Variants in SEC31A observed in about 807,000 individuals in gnomAD.
SEC31A encodes SEC31 homolog A, COPII component, also known as protein transport protein Sec31A.
SEC31A carries 70 observed loss-of-function variants against 151.0 expected under a neutral mutation model. The observed-to-expected ratio is 0.46, with a 90% CI of 0.38 to 0.57. The LOEUF (loss-of-function observed/expected upper bound fraction) is 0.57, where lower values mean the gene tolerates loss of function less well. Among genes scored for constraint, SEC31A ranks in the 20% least tolerant of loss-of-function variants. The probability of loss-of-function intolerance (pLI) is 0.00; values close to 1 mark genes in which losing one functional copy is unlikely to be tolerated. For synonymous variants in SEC31A, 475 were observed against 505.9 expected, an observed-to-expected ratio of 0.94 and a Z score of 0.82; for missense variants, 1,330 against 1,471.2, an observed-to-expected ratio of 0.90 and a Z score of 1.57.
In SEC31A at chr4:82,824,394, G is replaced by A. The variant is rs552641627; in HGVS notation, c.3411+161C>T. On this transcript the variant is annotated intron_variant, in intron 25 of 26. Coordinates refer to ENST00000395310, the MANE Select transcript of SEC31A (RefSeq NM_001077207.4). Reference sequence around the variant, plus strand: ...AATTTTTTGTATTTGTAGTAGAGACGGGGTTTTGCTATGTTGGCCAGGATG... The same window carrying A: ...AATTTTTTGTATTTGTAGTAGAGACAGGGTTTTGCTATGTTGGCCAGGATG... 4.6e-5 allele frequency among the ~76,000 whole-genome samples: 7 copies of A among 152,108 alleles called. No homozygotes were observed. In the East Asian group the frequency reaches 5.8e-4, roughly 13 times the overall value.
At chr4:82,898,293 TCAC>T (rs1405888633) in intron 3 of SEC31A, among the ~76,000 whole-genome samples, 1 of 151,664 alleles carries the variant, frequency 6.6e-6, no homozygotes, top group Non-Finnish European at 1.5e-5. Flanking sequence ...AGTAAAATAA[TCAC>T]AACAACAAAA....
chr4:82,857,152 T>A, intron 15 of SEC31A, 22 bp from the exon 16 acceptor site: 1 of 1,601,444 alleles, frequency 6.2e-7, no homozygotes, highest in Non-Finnish European at 8.5e-7. Context: ...AAATAATACA[T>A]CCAAGTTAAA....
intron 3 of SEC31A, among the ~76,000 whole-genome samples, chr4:82,897,475 AT>A (rs1164425167): frequency 6.6e-6 from 1 of 152,238 alleles, no homozygotes; most frequent in African/African-American, 2.4e-5. Flanking sequence ...TAGAGTTATT[AT>A]GAGAAATAAA....
chr4:82,821,561 A>AAAAAG (rs1553923083), intron 25 of SEC31A: 2 of 152,126 alleles, frequency 1.3e-5, no homozygotes, highest in Non-Finnish European at 1.4e-5. Context: ...AAAAAAAAAA[A>AAAAAG]AAAAAAAAAG....
chr4:82,881,027 A>G (rs1028417776), intron 2 of SEC31A, 105 bp from the exon 3 acceptor site: 8 of 915,988 alleles, frequency 8.7e-6, no homozygotes, highest in African/African-American at 3.3e-5. Flanking sequence ...TTGCTCATGA[A>G]TGCTGCACAT....
chr4:82,842,613 T>C lies in SEC31A; in HGVS notation c.2627-132A>G, dbSNP rs1173657706. ...ATAAGTTACAATCCCAAATTAAAAA[T>C]TTACACCATTATATTTTTGAGGCTC... On this transcript the variant is annotated intron_variant, in intron 21 of 26. Transcript: ENST00000395310. 1.4e-5 allele frequency: 10 copies of C among 707,092 alleles called. No individual in the cohort carries two copies. In the Admixed American group the frequency reaches 3.0e-4, roughly 21 times the overall value. 43.8% of individuals were successfully genotyped at this position (707,092 alleles called of 1,614,324 possible).
At chr4:82,859,444 A>T (rs923738655) in intron 14 of SEC31A, among the ~76,000 whole-genome samples, 2 of 152,240 alleles carry the variant, frequency 1.3e-5, no homozygotes, top group African/African-American at 4.8e-5. Flanking sequence ...GATTAGAGAT[A>T]AATTTTTAAA....
chr4:82,833,663 T>C (rs1280112755), intron 22 of SEC31A, among the ~76,000 whole-genome samples: 2 of 152,058 alleles, frequency 1.3e-5, no homozygotes, highest in Non-Finnish European at 2.9e-5. Context: ...CAATCCCAAT[T>C]GTCAAATACT....
chr4:82,826,797 T>C (rs1724704188), intron 24 of SEC31A, among the ~76,000 whole-genome samples: 1 of 152,386 alleles, frequency 6.6e-6, no homozygotes, highest in East Asian at 1.9e-4. Flanking sequence ...CATCTTCTTA[T>C]ATTGAACTTT....
intron 22 of SEC31A, chr4:82,831,279 T>C (rs1424448771): frequency 6.2e-6 from 1 of 160,416 alleles, no homozygotes; most frequent in Non-Finnish European, 1.4e-5. Context: ...AATAACAATG[T>C]TTCCCTAATT....
At chr4:82,869,706 T>C (rs933872935) in intron 8 of SEC31A, among the ~76,000 whole-genome samples, 1 of 152,154 alleles carries the variant, frequency 6.6e-6, no homozygotes, top group Non-Finnish European at 1.5e-5. Flanking sequence ...TATTGTTACA[T>C]CCACAACTCT....
chr4:82,860,806 C>T (rs539720723), intron 14 of SEC31A, among the ~76,000 whole-genome samples: 1 of 152,136 alleles, frequency 6.6e-6, no homozygotes, highest in South Asian at 2.1e-4. Context: ...AAGATTTTAT[C>T]CATATCCTTT....
chr4:82,892,330 CT>C (rs1719849548), upstream of SEC31A, among the ~76,000 whole-genome samples: 1 of 152,256 alleles, frequency 6.6e-6, no homozygotes, highest in Non-Finnish European at 1.5e-5. Flanking sequence ...CCGCAAGCAG[CT>C]TTCTGTTCCT....
chr4:82,891,305 C>T (rs568379038), upstream of SEC31A: 31 of 930,604 alleles, frequency 3.3e-5, no homozygotes, highest in African/African-American at 2.2e-4. Context: ...CTTCCGGGAC[C>T]GGCGGTAGCC....
intron 1 of SEC31A, 141 bp downstream of exon 1, chr4:82,890,946 TA>T: frequency 6.9e-7 from 1 of 1,439,842 alleles, no homozygotes; most frequent in Non-Finnish European, 9.1e-7. Flanking sequence ...AAACCAAGAC[TA>T]GGGGCGCGCC....
chr4:82,842,477 A>G lies in SEC31A; in HGVS notation c.2631T>C (p.Tyr877=), dbSNP rs200736910. Reference sequence around the variant, plus strand: ...CGAAGGGATACGGCTGGGCTGGTTGATAAGCTACACCAAGGAGAAGAAACA... The same window carrying G: ...CGAAGGGATACGGCTGGGCTGGTTGGTAAGCTACACCAAGGAGAAGAAACA... ...QVPPYPQPQP[Y]QPAQPYPFGT... is the part of the protein sequence containing the mutation. Residue 877 remains tyrosine (Y), a synonymous_variant, in exon 22 of 27, where the codon TAT becomes TAC. Transcript: ENST00000395310. 12 of 1,608,858 alleles carry G rather than the reference A, an allele frequency of 7.5e-6. No individual in the cohort carries two copies. The highest frequency in any genetic ancestry group is 8.5e-7 in the Non-Finnish European group (1 of 1,177,198).
intron 3 of SEC31A, chr4:82,899,480 C>G (rs934305740): frequency 3.3e-5 from 5 of 152,208 alleles, no homozygotes; most frequent in Non-Finnish European, 7.3e-5. Context: ...GGAAAAGGCT[C>G]TAACAGCCCA....
intron 18 of SEC31A, among the ~76,000 whole-genome samples, chr4:82,852,704 A>T: frequency 6.6e-6 from 1 of 152,216 alleles, no homozygotes; most frequent in East Asian, 1.9e-4. Flanking sequence ...TTAAATGCTT[A>T]GAAAAAAATA....
chr4:82,862,641 T>C, intron 12 of SEC31A, 69 bp from the exon 13 acceptor site: 10 of 1,352,836 alleles, frequency 7.4e-6, no homozygotes, highest in Non-Finnish European at 1.1e-5. Context: ...AATGTTCACC[T>C]CTTGCTTCTC....
Sources: allele counts gnomAD v4.1 joint callset (sites outside exome capture counted in the v4.1 genomes callset), GRCh38; gene constraint gnomAD v4.1.1; transcripts MANE v1.5; gene names NCBI Gene and HGNC (gene_info 2026-07-23, HGNC 2026-07-21).